Variants in EYS observed in about 807,000 individuals in gnomAD.
The protein encoded by EYS is protein eyes shut homolog.
Under a neutral mutation model 282.1 loss-of-function variants are expected in EYS, and 250 were observed. The observed-to-expected ratio is 0.89, with a 90% CI of 0.80 to 0.98. The LOEUF (loss-of-function observed/expected upper bound fraction) is 0.98. EYS is among the 50% of genes least tolerant of loss of function. EYS has a pLI of 0.00. For synonymous variants in EYS, 1,355 were observed against 1,282.9 expected (o/e 1.06, Z -1.20); for missense variants, 4,016 against 3,709.0 (o/e 1.08, Z -2.15).
intron 32 of EYS, among the ~76,000 whole-genome samples, chr6:64,078,667 T>C (rs530992615): frequency 6.6e-6 from 1 of 152,180 alleles, no homozygotes; most frequent in Non-Finnish European, 1.5e-5. Context: ...TAACAACAAT[T>C]ATATAAGACA....
At chr6:64,485,930 T>C (rs1776569342) in intron 26 of EYS, among the ~76,000 whole-genome samples, 1 of 151,420 alleles carries the variant, frequency 6.6e-6, no homozygotes, top group Admixed American at 6.6e-5. Flanking sequence ...ATACTGAGGA[T>C]TTATATTTAA....
chr6:64,410,557 T>C (rs1204669950), intron 28 of EYS, among the ~76,000 whole-genome samples: 4 of 152,186 alleles, frequency 2.6e-5, no homozygotes. Context: ...TTTTTTATTA[T>C]CTGGTTCCAA....
intron 12 of EYS, among the ~76,000 whole-genome samples, chr6:65,230,693 C>T (rs1205895587): frequency 6.6e-6 from 1 of 151,696 alleles, no homozygotes. Context: ...TCCTGAGTTA[C>T]AACGTTGACA....
chr6:64,209,637 C>G (rs2150326719), intron 31 of EYS, among the ~76,000 whole-genome samples: 1 of 152,318 alleles, frequency 6.6e-6, no homozygotes, highest in Admixed American at 6.5e-5. Flanking sequence ...CTCACTTCTA[C>G]AAGGCTGTTT....
rs760027904 is a variant in EYS at position 64,547,403 on chromosome 6, A to G, written c.5644+42820T>C. On this transcript the variant is annotated intron_variant, in intron 26 of 42. Coordinates refer to ENST00000503581, the MANE Select transcript of EYS (RefSeq NM_001142800.2). ...TGCGTTTGCAATCCCTGAGCTAGAC[A>G]CAAAAGTTATCCACCTCCCCACTAG... 4.3e-4 allele frequency among the ~76,000 whole-genome samples: 66 copies of G among 152,274 alleles called. 1 individual carries two copies. Among genetic ancestry groups the G allele is most frequent in the Middle Eastern group, 3.4e-3 (1 of 294 alleles).
At chr6:64,416,229 T>A (rs953323022) in intron 28 of EYS, among the ~76,000 whole-genome samples, 2 of 152,214 alleles carry the variant, frequency 1.3e-5, no homozygotes, top group Non-Finnish European at 2.9e-5. Flanking sequence ...GCTTGTATGA[T>A]CATTACTTAG....
chr6:64,390,477 A>G (rs1350234311), intron 28 of EYS, among the ~76,000 whole-genome samples: 1 of 151,518 alleles, frequency 6.6e-6, no homozygotes, highest in East Asian at 2.0e-4. Context: ...CTGACCCCGG[A>G]GCAGCCTAAC....
chr6:64,215,473 A>G (rs1419221194), intron 31 of EYS, among the ~76,000 whole-genome samples: 1 of 152,140 alleles, frequency 6.6e-6, no homozygotes, highest in Non-Finnish European at 1.5e-5. Flanking sequence ...AAATGAATAT[A>G]AAATTTTAAA....
intron 35 of EYS, among the ~76,000 whole-genome samples, chr6:63,908,029 TATAC>T (rs1205677283): frequency 1.1e-4 from 11 of 97,372 alleles, no homozygotes; most frequent in Non-Finnish European, 1.7e-4. Context: ...TATATATATA[TATAC>T]GTTTGTGTGT....
At chr6:65,327,159 C>T (rs1391841392) in intron 11 of EYS, among the ~76,000 whole-genome samples, 1 of 151,594 alleles carries the variant, frequency 6.6e-6, no homozygotes, top group Non-Finnish European at 1.5e-5. Context: ...TCTGGTTTAA[C>T]ACTTTCTATC....
intron 33 of EYS, among the ~76,000 whole-genome samples, chr6:64,026,327 A>C (rs1330681512): frequency 6.6e-6 from 1 of 152,168 alleles, no homozygotes; most frequent in East Asian, 1.9e-4. Context: ...AAACAAAACA[A>C]ACCAAAACCA....
chr6:64,959,496 A>G, intron 14 of EYS, among the ~76,000 whole-genome samples: 1 of 152,170 alleles, frequency 6.6e-6, no homozygotes, highest in Non-Finnish European at 1.5e-5. Flanking sequence ...TAAACCACTC[A>G]TGATATTGAC....
At chr6:65,122,911 C>A (rs1220541792) in intron 12 of EYS, among the ~76,000 whole-genome samples, 1 of 151,862 alleles carries the variant, frequency 6.6e-6, no homozygotes, top group Admixed American at 6.6e-5. Context: ...ATACATCTAT[C>A]CATTTATTCA....
intron 33 of EYS, among the ~76,000 whole-genome samples, chr6:64,052,470 T>G (rs1441818267): frequency 6.6e-6 from 1 of 152,210 alleles, no homozygotes; most frequent in Admixed American, 6.5e-5. Context: ...AAGGGGAATG[T>G]GCTAAACTTT....
At position 65,239,524 on chromosome 6, in the gene EYS, C is replaced by T. The variant is rs1425654363; in HGVS notation, c.2023+56339G>A. Among the ~76,000 whole-genome samples, 3 of 151,852 alleles carry T rather than the reference C, an allele frequency of 2.0e-5. No homozygotes were observed. In the East Asian group the frequency reaches 5.8e-4, roughly 29 times the overall value. On this transcript the variant is annotated intron_variant, in intron 12 of 42. Coordinates refer to ENST00000503581, the MANE Select transcript of EYS (RefSeq NM_001142800.2). Reference sequence around the variant, plus strand: ...TGCCCACTCTAGGATTTTAAAAATTCTTTTAAAATTTTTGCCTTTAATATT... The same window carrying T: ...TGCCCACTCTAGGATTTTAAAAATTTTTTTAAAATTTTTGCCTTTAATATT...
intron 12 of EYS, among the ~76,000 whole-genome samples, chr6:65,078,226 T>G (rs532100003): frequency 6.6e-6 from 1 of 152,108 alleles, no homozygotes; most frequent in African/African-American, 2.4e-5. Flanking sequence ...TGCAGTCAGG[T>G]TTAGAATTTT....
intron 18 of EYS, among the ~76,000 whole-genome samples, chr6:64,897,128 T>TGG (rs1767500465): frequency 6.6e-6 from 1 of 152,102 alleles, no homozygotes; most frequent in African/African-American, 2.4e-5. Flanking sequence ...CTGCCTCAAG[T>TGG]GGGTCCAGGG....
chr6:64,998,650 T>C (rs930634814), intron 13 of EYS, among the ~76,000 whole-genome samples: 4 of 152,242 alleles, frequency 2.6e-5, no homozygotes, highest in African/African-American at 9.6e-5. Flanking sequence ...CTGTTTTACT[T>C]TCCTTTTGTA....
intron 2 of EYS, among the ~76,000 whole-genome samples, chr6:65,584,394 A>G (rs1022459094): frequency 2.0e-5 from 3 of 152,104 alleles, no homozygotes; most frequent in African/African-American, 7.2e-5. Context: ...GAGTAATGTC[A>G]ACATTAGGAG....
Sources: gnomAD v4.1 joint callset for allele counts (sites outside exome capture counted in the v4.1 genomes callset) on GRCh38, gnomAD v4.1.1 for gene constraint, MANE v1.5 for transcripts, NCBI Gene and HGNC (gene_info 2026-07-23, HGNC 2026-07-21) for gene names.